The following XPO5 variants were observed in gnomAD, a reference collection of about 807,000 sequenced individuals.
XPO5 encodes exportin-5.
A neutral mutation model predicts 160.6 loss-of-function variants in XPO5; 46 were observed. The observed-to-expected ratio is 0.29, with a 90% confidence interval of 0.23 to 0.37. The LOEUF (loss-of-function observed/expected upper bound fraction) is 0.37, where lower values mean the gene tolerates loss of function less well. XPO5 is among the 10% of genes least tolerant of loss of function. The pLI is 1.00. For synonymous variants in XPO5, 537 were observed against 519.3 expected, an observed-to-expected ratio of 1.03 and a Z score of -0.46; for missense variants, 1,090 against 1,463.9, an observed-to-expected ratio of 0.74 and a Z score of 4.17.
chr6:43,525,510 C>T (rs1475469949), intron 28 of XPO5: 1 of 492,904 alleles, frequency 2.0e-6, no homozygotes, highest in African/African-American at 1.9e-5. Flanking sequence ...TGTGTATTGC[C>T]AGTCAAAAAG....
At chr6:43,573,282 T>A (rs1322733105) in intron 2 of XPO5, 198 bp downstream of exon 2, 8 of 659,048 alleles carry the variant, frequency 1.2e-5, no homozygotes, top group African/African-American at 1.8e-5. Context: ...ACACTTTACA[T>A]GGATGAAGAA....
intron 20 of XPO5, among the ~76,000 whole-genome samples, chr6:43,538,139 CTTTTTT>C (rs1160662301): frequency 7.7e-3 from 375 of 48,948 alleles, no homozygotes; most frequent in African/African-American, 0.029. Flanking sequence ...TAAGAGACAT[CTTTTTT>C]TTTTTTTTTT....
chr6:43,543,706 C>T (rs964586958), intron 20 of XPO5, among the ~76,000 whole-genome samples: 1 of 151,722 alleles, frequency 6.6e-6, no homozygotes, highest in African/African-American at 2.4e-5. Flanking sequence ...GGAGTCTTCC[C>T]TGTTGCCCAG....
At chr6:43,534,089 TAC>T in intron 20 of XPO5, 82 bp from the exon 21 acceptor site, 1 of 1,084,062 alleles carries the variant, frequency 9.2e-7, no homozygotes, top group Non-Finnish European at 1.4e-6. Flanking sequence ...CCAGTGATAC[TAC>T]AGTTTCACAC....
chr6:43,552,641 C>CGCG (rs1795304380), intron 14 of XPO5, among the ~76,000 whole-genome samples: 1 of 152,254 alleles, frequency 6.6e-6, no homozygotes, highest in South Asian at 2.1e-4. Flanking sequence ...GCATGAGCTA[C>CGCG]TGCGCCCGGC....
chr6:43,552,075 G>C lies in XPO5; in HGVS notation c.1573-622C>G, dbSNP rs758400231. ...GGCTGAATGTTTTTCATATTTATCA[G>C]CTACTTTATTTATATATCACTCTTG... On this transcript the variant is annotated intron_variant, in intron 14 of 31. Transcript: ENST00000265351. Among the ~76,000 whole-genome samples the C allele has an allele frequency of 7.9e-5, 12 of 152,116 alleles. No individual in the cohort carries two copies. In the South Asian group the frequency reaches 1.0e-3, roughly 13 times the overall value.
At chr6:43,568,966 T>C (rs561340636) in intron 5 of XPO5, among the ~76,000 whole-genome samples, 35 of 152,344 alleles carry the variant, frequency 2.3e-4, no homozygotes, top group African/African-American at 8.2e-4. Flanking sequence ...CATGTATGTA[T>C]AGCCTAAGTA....
chr6:43,528,981 G>A (rs1480496107), intron 23 of XPO5, 56 bp from the exon 24 acceptor site: 1 of 1,527,540 alleles, frequency 6.5e-7, no homozygotes, highest in African/African-American at 1.4e-5. Flanking sequence ...TCACCTGCCA[G>A]GTGGTGGGTT....
At chr6:43,547,327 A>T (rs1226639158) in intron 19 of XPO5, 6 of 488,198 alleles carry the variant, frequency 1.2e-5, no homozygotes, top group African/African-American at 1.2e-4. Flanking sequence ...CTGCTGACCA[A>T]GTTCTGACCT....
intron 20 of XPO5, among the ~76,000 whole-genome samples, chr6:43,545,395 C>T (rs1192001796): frequency 1.3e-5 from 2 of 152,056 alleles, no homozygotes; most frequent in African/African-American, 4.8e-5. Flanking sequence ...AAACAGAGCT[C>T]TAACAATGTA....
At chr6:43,573,359 T>C (rs1222806791) in intron 2 of XPO5, 121 bp downstream of exon 2, 6 of 1,313,744 alleles carry the variant, frequency 4.6e-6, no homozygotes, top group South Asian at 1.5e-5. Context: ...ATCTAGGGGA[T>C]CATTCCTCTC....
rs530264890 is a variant in XPO5, at chr6:43,522,853, G to C, written c.*1015C>G. On this transcript the variant is annotated 3_prime_UTR_variant, in exon 32 of 32. Coordinates refer to ENST00000265351, the MANE Select transcript of XPO5 (RefSeq NM_020750.3). ...CCCGTATCCATGTCCTCTCTTTACA[G>C]GGCCTTTCAGTGACCTCTAGAATGG... 2 of 260,648 alleles carry C rather than the reference G, an allele frequency of 7.7e-6. No homozygotes were observed. Among genetic ancestry groups the C allele is most frequent in the Non-Finnish European group, 1.8e-5 (2 of 112,650 alleles). The allele number at this position is 260,648 out of a possible 1,614,324, so 16.1% of individuals were successfully genotyped here. A position where few individuals can be genotyped will look rare whatever the true frequency, so the allele number is the denominator to read the frequency against.
rs780995766 is a variant in XPO5 at position 43,570,993 on chromosome 6, C to G, written c.302G>C (p.Gly101Ala). ...KNSVMELIAN[G>A]TLNILEEENH... Reference sequence around the variant, plus strand: ...CTCCTCTTCCAAAATGTTCAATGTTCCCTGAAAAAGAACAAGAGATATTAA... The same window carrying G: ...CTCCTCTTCCAAAATGTTCAATGTTGCCTGAAAAAGAACAAGAGATATTAA... Residue 101 changes from glycine to alanine, a missense_variant and splice_region_variant, in exon 4 of 32, where the codon GGA becomes GCA. By Grantham distance (60) the Gly-to-Ala change is moderately conservative. Around this residue, in one of 3 missense-constraint regions of XPO5, gnomAD observed 170 missense variants for 227.0 expected, o/e 0.75. Transcript: ENST00000265351. The G allele has an allele frequency of 6.2e-7, 1 of 1,608,386 alleles. No individual in the cohort carries two copies. The highest frequency in any genetic ancestry group is 8.5e-7 in the Non-Finnish European group (1 of 1,178,296).
rs1257596339 is a variant in XPO5 at position 43,522,656 on chromosome 6, TG to T, written c.*1211del. ...CTTCTTCTCAATCTGACCCTGCCTG[TG>T]GCCCGCACCAGCTAAAAACTGTAGC... On this transcript the variant is annotated 3_prime_UTR_variant, in exon 32 of 32. Coordinates refer to ENST00000265351, the MANE Select transcript of XPO5 (RefSeq NM_020750.3). 2.2e-6 allele frequency: 1 copy of T among 454,604 alleles called. No individual in the cohort carries two copies. Among genetic ancestry groups the T allele is most frequent in the Non-Finnish European group, 4.7e-6 (1 of 210,820 alleles). 28.2% of individuals were successfully genotyped at this position (454,604 alleles called of 1,614,324 possible).
At position 43,553,795 on chromosome 6, in the gene XPO5, G is replaced by A. The variant is rs1761856869; in HGVS notation, c.1442-292C>T. On this transcript the variant is annotated intron_variant, in intron 13 of 31. Coordinates refer to ENST00000265351, the MANE Select transcript of XPO5 (RefSeq NM_020750.3). ...AGTAAAACCATTTTGAGTAATGAAT[G>A]AGAATACGCAGGTGAACATCAAAAA... is the stretch of plus-strand genomic sequence containing the variant. 1.1e-5 allele frequency: 3 copies of A among 270,958 alleles called. No homozygotes were observed. In the Admixed American group the frequency reaches 1.7e-4, roughly 15 times the overall value. 16.8% of individuals were successfully genotyped at this position (270,958 alleles called of 1,614,324 possible).
intron 26 of XPO5, chr6:43,527,265 T>C: frequency 4.7e-6 from 1 of 213,394 alleles, no homozygotes; most frequent in Non-Finnish European, 9.5e-6. Context: ...TCTGTCAGTG[T>C]TGCTACAAAC....
chr6:43,525,833 A>G lies in XPO5; in HGVS notation c.3066+6T>C, dbSNP rs903734291. On this transcript the variant is annotated splice_donor_region_variant and intron_variant, in intron 28 of 31. Transcript: ENST00000265351. ...AGTAAAGGTATCACCTGCTCCTTCT[A>G]CCCACCTCATGCTTCATCAGACATT... 1 of 1,613,894 alleles carries G rather than the reference A, an allele frequency of 6.2e-7. No individual in the cohort carries two copies. Among genetic ancestry groups the G allele is most frequent in the Non-Finnish European group, 8.5e-7 (1 of 1,179,836 alleles).
At chr6:43,572,331 C>T (rs1763051563) in intron 3 of XPO5, among the ~76,000 whole-genome samples, 175 bp downstream of exon 3, 1 of 152,230 alleles carries the variant, frequency 6.6e-6, no homozygotes, top group Non-Finnish European at 1.5e-5. Flanking sequence ...CTTACCTTGG[C>T]TTCCCAAAGC....
At chr6:43,573,191 G>C (rs1763100317) in intron 2 of XPO5, among the ~76,000 whole-genome samples, 1 of 152,160 alleles carries the variant, frequency 6.6e-6, no homozygotes, top group Admixed American at 6.5e-5. Flanking sequence ...AAGGCTTCGA[G>C]GGCTAATGAC....
Sources: gnomAD v4.1 joint callset for allele counts (sites outside exome capture counted in the v4.1 genomes callset) on GRCh38, gnomAD v4.1.1 for gene constraint, gnomAD v4.1.1 regional missense constraint, MANE v1.5 for transcripts, NCBI Gene and HGNC (gene_info 2026-07-23, HGNC 2026-07-21) for gene names.